The following DLG2 variants were observed in gnomAD, a reference collection of about 807,000 sequenced individuals.
The protein encoded by DLG2 is discs large MAGUK scaffold protein 2, also known as disks large homolog 2.
Under a neutral mutation model 132.5 loss-of-function variants are expected in DLG2, and 45 were observed. That is an observed-to-expected ratio of 0.34 (90% CI 0.27 to 0.44). DLG2 has a LOEUF of 0.44. DLG2 is among the 20% of genes least tolerant of loss of function. The pLI, the probability that DLG2 is intolerant of heterozygous loss-of-function variation, is 1.00. For missense variants in DLG2, 1,045 were observed against 1,196.9 expected, an observed-to-expected ratio of 0.87 and a Z score of 1.87; for synonymous variants, 424 against 419.6, an observed-to-expected ratio of 1.01 and a Z score of -0.13.
intron 9 of DLG2, among the ~76,000 whole-genome samples, chr11:84,112,785 T>C (rs1374445977): frequency 1.3e-5 from 2 of 152,184 alleles, no homozygotes; most frequent in African/African-American, 4.8e-5. Context: ...CTGTCATCTA[T>C]TAGGTGCTAC....
chr11:85,473,194 C>T (rs916250250), intron 3 of DLG2, among the ~76,000 whole-genome samples: 6 of 152,214 alleles, frequency 3.9e-5, no homozygotes, highest in Non-Finnish European at 8.8e-5. Flanking sequence ...AGATCTAGGC[C>T]AGTAGCAAAA....
intron 8 of DLG2, among the ~76,000 whole-genome samples, chr11:84,232,145 G>T (rs143891161): frequency 6.6e-6 from 1 of 152,112 alleles, no homozygotes; most frequent in Non-Finnish European, 1.5e-5. Context: ...TTGTATTCAG[G>T]TTACAATTCT....
intron 10 of DLG2, among the ~76,000 whole-genome samples, chr11:84,060,922 G>A (rs1462354724): frequency 5.3e-5 from 8 of 152,064 alleles, no homozygotes; most frequent in African/African-American, 1.4e-4. Flanking sequence ...CATCTCTCAG[G>A]TGAACCACCT....
intron 17 of DLG2, among the ~76,000 whole-genome samples, chr11:83,815,644 G>C (rs1268668418): frequency 6.6e-6 from 1 of 152,174 alleles, no homozygotes; most frequent in East Asian, 1.9e-4. Flanking sequence ...ATGGAAGAAA[G>C]TGGTGGGCAA....
intron 6 of DLG2, among the ~76,000 whole-genome samples, chr11:84,874,912 T>A (rs1030116063): frequency 5.9e-5 from 9 of 151,518 alleles, no homozygotes; most frequent in African/African-American, 1.9e-4. Context: ...TCCCACCTAC[T>A]TGGGAGGCTG....
chr11:85,445,709 T>A (rs1237185127), intron 3 of DLG2, among the ~76,000 whole-genome samples: 1 of 152,080 alleles, frequency 6.6e-6, no homozygotes. Flanking sequence ...AAAGCACTAA[T>A]CAGAACAGGC....
At chr11:85,213,969 A>G (rs2082411660) in intron 4 of DLG2, among the ~76,000 whole-genome samples, 1 of 152,096 alleles carries the variant, frequency 6.6e-6, no homozygotes, top group African/African-American at 2.4e-5. Flanking sequence ...TCATATTTCT[A>G]ACCCAAACCC....
chr11:84,381,127 TAAAA>T, intron 7 of DLG2, among the ~76,000 whole-genome samples: 1 of 151,772 alleles, frequency 6.6e-6, no homozygotes, highest in South Asian at 2.1e-4. Flanking sequence ...ATTTGAAAAT[TAAAA>T]AAAATGACAA....
Position 83,930,423 on chromosome 11 carries a change from C to G in DLG2, c.1401G>C (p.Arg467Ser). 2 of 1,613,934 alleles carry G rather than the reference C, an allele frequency of 1.2e-6. No homozygotes were observed. The highest frequency in any genetic ancestry group is 1.7e-6 in the Non-Finnish European group (2 of 1,179,886). Residue 467 changes from arginine (R) to serine (S), a missense_variant, in exon 15 of 28, where the codon AGG becomes AGC. Coordinates refer to ENST00000376104, the MANE Select transcript of DLG2 (RefSeq NM_001142699.3). Reference protein sequence around the residue: ...NKLCDKPASPRHYSPVECDKS... With the variant: ...NKLCDKPASPSHYSPVECDKS... ...TGTCACACTCAACAGGGGAATAGTG[C>G]CTGGGAGAAGCAGGCTTATCACATA...
chr11:83,577,957 T>C (rs1028959451), intron 19 of DLG2, among the ~76,000 whole-genome samples: 4 of 136,634 alleles, frequency 2.9e-5, no homozygotes, highest in African/African-American at 8.0e-5. Context: ...ATATTTTGTA[T>C]TTATATTATA....
intron 8 of DLG2, among the ~76,000 whole-genome samples, chr11:84,208,219 C>T (rs1377670603): frequency 1.3e-5 from 2 of 152,128 alleles, no homozygotes; most frequent in Non-Finnish European, 2.9e-5. Context: ...TTGCCTGCAA[C>T]TCCTGTCTCC....
rs141974164 is a variant in DLG2 at position 85,220,546 on chromosome 11, T to C, written c.186+64674A>G. Among the ~76,000 whole-genome samples the C allele has an allele frequency of 2.2e-3, 331 of 151,832 alleles. 1 individual carries two copies. Among genetic ancestry groups the C allele is most frequent in the Middle Eastern group, 0.01 (3 of 290 alleles). ...CTTCCTCTCTCCACTACCAACTAAA[T>C]AGTCATTGCAAGATGCCATGTTCCT... On this transcript the variant is annotated intron_variant, in intron 4 of 27. Coordinates refer to ENST00000376104, the MANE Select transcript of DLG2 (RefSeq NM_001142699.3).
intron 6 of DLG2, among the ~76,000 whole-genome samples, chr11:84,824,300 A>C (rs1468575460): frequency 1.3e-5 from 2 of 151,942 alleles, no homozygotes; most frequent in African/African-American, 4.8e-5. Context: ...GAGGATTCAG[A>C]GGATTTGAGG....
intron 3 of DLG2, among the ~76,000 whole-genome samples, chr11:85,396,269 T>C (rs2087355394): frequency 1.3e-5 from 2 of 152,154 alleles, no homozygotes; most frequent in Non-Finnish European, 2.9e-5. Context: ...ACCCCATCTT[T>C]AGGACACCAG....
intron 11 of DLG2, among the ~76,000 whole-genome samples, chr11:84,043,354 G>T (rs369551475): frequency 6.6e-6 from 1 of 151,608 alleles, no homozygotes; most frequent in African/African-American, 2.4e-5. Context: ...CATATTTTAG[G>T]AAAGAGTGAT....
intron 6 of DLG2, among the ~76,000 whole-genome samples, chr11:84,948,371 T>G (rs1179645369): frequency 6.6e-6 from 1 of 152,238 alleles, no homozygotes; most frequent in African/African-American, 2.4e-5. Context: ...CAACCTACTG[T>G]GCATATCCAG....
At chr11:84,761,505 G>A (rs1370232038) in intron 6 of DLG2, among the ~76,000 whole-genome samples, 1 of 152,198 alleles carries the variant, frequency 6.6e-6, no homozygotes, top group Admixed American at 6.5e-5. Context: ...CTCATTCTAG[G>A]TGGGCACAAT....
chr11:85,144,669 T>A (rs1228196093), intron 5 of DLG2, among the ~76,000 whole-genome samples: 1 of 151,974 alleles, frequency 6.6e-6, no homozygotes, highest in Non-Finnish European at 1.5e-5. Context: ...ACAACCTAAC[T>A]GATTTCAGAA....
rs182757013 is a variant in DLG2 at position 84,372,744 on chromosome 11, T to C, written c.520-121453A>G. On this transcript the variant is annotated intron_variant, in intron 7 of 27. Coordinates refer to ENST00000376104, the MANE Select transcript of DLG2 (RefSeq NM_001142699.3). ...CTCGGGAATCTATTCCTTCTTAACA[T>C]GGAAAAAGTATTTTCTGTGTTCAGC... 2.9e-3 allele frequency among the ~76,000 whole-genome samples: 445 copies of C among 152,332 alleles called. 2 individuals carry two copies. The highest frequency in any genetic ancestry group is 4.6e-3 in the Non-Finnish European group (315 of 68,022).
Sources: allele counts gnomAD v4.1 joint callset (sites outside exome capture counted in the v4.1 genomes callset), GRCh38; gene constraint gnomAD v4.1.1; transcripts MANE v1.5; gene names NCBI Gene and HGNC (gene_info 2026-07-23, HGNC 2026-07-21).